Variants in KCNN2 observed in about 807,000 individuals in gnomAD.
KCNN2 encodes potassium calcium-activated channel subfamily N member 2.
Under a neutral mutation model 55.5 loss-of-function variants are expected in KCNN2, and 24 were observed. The ratio of observed to expected loss-of-function variants is 0.43; its 90% CI spans 0.31 to 0.61. The LOEUF (loss-of-function observed/expected upper bound fraction) is 0.61. Among genes scored for constraint, KCNN2 ranks in the 20% least tolerant of loss-of-function variants. The pLI, the probability that KCNN2 is intolerant of heterozygous loss-of-function variation, is 0.08. For missense variants in KCNN2, 754 were observed against 853.6 expected (o/e 0.88, Z 1.45); for synonymous variants, 431 against 336.1 (o/e 1.28, Z -3.09).
At chr5:114,366,153 A>G (rs1757593797) in intron 2 of KCNN2, among the ~76,000 whole-genome samples, 1 of 152,296 alleles carries the variant, frequency 6.6e-6, no homozygotes, top group Admixed American at 6.5e-5. Context: ...CTCATTGGCT[A>G]ATTTTGAGGA....
At chr5:114,059,194 G>A (rs1750273510) in intron 1 of KCNN2, among the ~76,000 whole-genome samples, 3 of 152,200 alleles carry the variant, frequency 2.0e-5, no homozygotes, top group Admixed American at 2.0e-4. Context: ...AAGGGAAAGA[G>A]AGGAAACAAA....
intron 1 of KCNN2, among the ~76,000 whole-genome samples, chr5:114,092,721 CA>C (rs1414040125): frequency 6.6e-6 from 1 of 152,192 alleles, no homozygotes; most frequent in African/African-American, 2.4e-5. Flanking sequence ...CCCACAGGCC[CA>C]ACACCACTTG....
At chr5:114,233,864 G>A (rs927797448) in intron 2 of KCNN2, among the ~76,000 whole-genome samples, 1 of 152,024 alleles carries the variant, frequency 6.6e-6, no homozygotes, top group Admixed American at 6.6e-5. Context: ...CCTATCCTCT[G>A]TATCAGTCAT....
chr5:114,469,903 A>T lies in KCNN2; in HGVS notation c.1780-3151A>T, dbSNP rs575373710. ...TAAGTTTATGGTTTTCTTCACTAAA[A>T]TAAACAGTTAAGGGGTTTGTATTTG... On this transcript the variant is annotated intron_variant, in intron 4 of 7. Coordinates refer to ENST00000673685, the MANE Select transcript of KCNN2 (RefSeq NM_021614.4). Among the ~76,000 whole-genome samples, 3 of 152,294 alleles carry T rather than the reference A, an allele frequency of 2.0e-5. No homozygotes were observed. In the South Asian group the frequency reaches 6.2e-4, roughly 32 times the overall value.
Position 114,109,303 on chromosome 5 carries a change from T to C in KCNN2, c.-271+52803T>C, listed in dbSNP as rs1451472193. Reference sequence around the variant, plus strand: ...CAAAGCCAGCAATGAAGAGAATCAGTCATTAAGGTCTGGCAGCAGGGTACA... The same window carrying C: ...CAAAGCCAGCAATGAAGAGAATCAGCCATTAAGGTCTGGCAGCAGGGTACA... On this transcript the variant is annotated intron_variant, in intron 1 of 10. Coordinates refer to the KCNN2 transcript ENST00000512097. 2.0e-5 allele frequency among the ~76,000 whole-genome samples: 3 copies of C among 152,088 alleles called. No homozygotes were observed. The East Asian group carries it at 5.8e-4, about 29-fold the overall frequency.
At chr5:114,445,430 C>G (rs1044673453) in intron 3 of KCNN2, among the ~76,000 whole-genome samples, 1 of 152,148 alleles carries the variant, frequency 6.6e-6, no homozygotes, top group Non-Finnish European at 1.5e-5. Context: ...TATTACTTAT[C>G]AGTAAAATAC....
intron 1 of KCNN2, among the ~76,000 whole-genome samples, chr5:114,141,491 A>G (rs1580549851): frequency 6.6e-6 from 1 of 152,072 alleles, no homozygotes; most frequent in Non-Finnish European, 1.5e-5. Context: ...ATAGTATTCC[A>G]TGGTGTATAT....
chr5:114,129,180 G>A (rs961243413), intron 1 of KCNN2, among the ~76,000 whole-genome samples: 2 of 152,096 alleles, frequency 1.3e-5, no homozygotes, highest in Non-Finnish European at 2.9e-5. Flanking sequence ...AGGAAGATAG[G>A]TTCCCCACCC....
chr5:114,138,769 G>A (rs1462399028), intron 1 of KCNN2, among the ~76,000 whole-genome samples: 1 of 152,140 alleles, frequency 6.6e-6, no homozygotes, highest in African/African-American at 2.4e-5. Context: ...GTAAGGATGG[G>A]AGGTAGAGGA....
chr5:114,287,913 T>C (rs1161051836), intron 2 of KCNN2, among the ~76,000 whole-genome samples: 4 of 152,230 alleles, frequency 2.6e-5, no homozygotes, highest in Non-Finnish European at 4.4e-5. Flanking sequence ...ATGATTATTT[T>C]ATTTCTAAAT....
chr5:114,105,626 C>A (rs79724200), intron 1 of KCNN2, among the ~76,000 whole-genome samples: 7,094 of 152,038 alleles, frequency 0.047, 548 homozygotes, highest in African/African-American at 0.16. Context: ...TTTGAAAAAT[C>A]AAATATATTT....
At chr5:114,430,159 A>G (rs999816381) in intron 3 of KCNN2, among the ~76,000 whole-genome samples, 2 of 152,098 alleles carry the variant, frequency 1.3e-5, no homozygotes, top group Non-Finnish European at 2.9e-5. Context: ...TGATATCCAC[A>G]AAATAACTTG....
chr5:114,265,911 A>G (rs919129598), intron 2 of KCNN2, among the ~76,000 whole-genome samples: 8 of 152,092 alleles, frequency 5.3e-5, no homozygotes, highest in Non-Finnish European at 7.4e-5. Context: ...TTTGCTTTGG[A>G]GAGATTGGAG....
intron 1 of KCNN2, among the ~76,000 whole-genome samples, chr5:114,202,586 T>TATATA (rs1554074534): frequency 3.7e-4 from 25 of 67,002 alleles, no homozygotes; most frequent in Non-Finnish European, 6.5e-4. Flanking sequence ...TATATATATA[T>TATATA]TTTTTTTTTT....
intron 3 of KCNN2, among the ~76,000 whole-genome samples, chr5:114,429,367 C>T (rs959899289): frequency 6.6e-6 from 1 of 152,030 alleles, no homozygotes; most frequent in Non-Finnish European, 1.5e-5. Context: ...AGTGGTATTT[C>T]ATTGTTGTTT....
At chr5:114,067,311 T>C (rs1750471688) in intron 1 of KCNN2, among the ~76,000 whole-genome samples, 1 of 152,210 alleles carries the variant, frequency 6.6e-6, no homozygotes, top group Non-Finnish European at 1.5e-5. Flanking sequence ...TGAAATCACC[T>C]GGCAACCTGA....
chr5:114,068,233 A>C (rs1438627763), intron 1 of KCNN2, among the ~76,000 whole-genome samples: 1 of 152,252 alleles, frequency 6.6e-6, no homozygotes, highest in East Asian at 1.9e-4. Context: ...AGAGGTCAAT[A>C]GTCCTTGGAA....
At chr5:114,251,447 C>T (rs562161926) in intron 2 of KCNN2, among the ~76,000 whole-genome samples, 2 of 152,248 alleles carry the variant, frequency 1.3e-5, no homozygotes, top group East Asian at 3.9e-4. Context: ...GTAGTACTAC[C>T]TTCTTTGCAA....
intron 5 of KCNN2, among the ~76,000 whole-genome samples, chr5:114,484,446 C>T (rs1762363323): frequency 6.6e-6 from 1 of 152,142 alleles, no homozygotes; most frequent in Non-Finnish European, 1.5e-5. Context: ...CAAAATTGCA[C>T]TTACACTGCC....
Sources: gnomAD v4.1 joint callset for allele counts (sites outside exome capture counted in the v4.1 genomes callset) on GRCh38, gnomAD v4.1.1 for gene constraint, MANE v1.5 for transcripts, NCBI Gene and HGNC (gene_info 2026-07-23, HGNC 2026-07-21) for gene names.